Variants in ADCY9 observed in about 807,000 individuals in gnomAD.
ADCY9 encodes the protein adenylate cyclase 9, also known as adenylate cyclase type 9.
A neutral mutation model predicts 101.5 loss-of-function variants in ADCY9; 50 were observed. That is an observed-to-expected ratio of 0.49 (90% confidence interval 0.39 to 0.62). ADCY9 has a LOEUF of 0.62. Among genes scored for constraint, ADCY9 ranks in the 20% least tolerant of loss-of-function variants. The pLI, the probability that ADCY9 is intolerant of heterozygous loss-of-function variation, is 0.00. For synonymous variants in ADCY9, 905 were observed against 769.3 expected, an observed-to-expected ratio of 1.18 and a Z score of -2.92; for missense variants, 1,662 against 1,800.4, an observed-to-expected ratio of 0.92 and a Z score of 1.39.
intron 2 of ADCY9, among the ~76,000 whole-genome samples, chr16:4,044,758 T>C (rs1368173404): frequency 6.6e-6 from 1 of 152,194 alleles, no homozygotes; most frequent in Non-Finnish European, 1.5e-5. Flanking sequence ...TCTCTACATG[T>C]AGAGCCTGCA....
intron 2 of ADCY9, among the ~76,000 whole-genome samples, chr16:4,084,007 C>T (rs971963639): frequency 1.3e-5 from 2 of 152,146 alleles, no homozygotes; most frequent in Non-Finnish European, 2.9e-5. Context: ...ATAAAGCTTT[C>T]TTTTGTTTGT....
intron 8 of ADCY9, 82 bp from the exon 9 acceptor site, chr16:3,977,712 C>T (rs2056105317): frequency 2.0e-6 from 3 of 1,493,688 alleles, no homozygotes; most frequent in African/African-American, 2.8e-5. Context: ...ACATTCGCCA[C>T]TAATCCATGT....
At chr16:3,985,833 C>G (rs564565681) in intron 6 of ADCY9, among the ~76,000 whole-genome samples, 2 of 152,298 alleles carry the variant, frequency 1.3e-5, no homozygotes, top group African/African-American at 4.8e-5. Flanking sequence ...CCACAGCCTC[C>G]CCCTCTGGGC....
At chr16:3,995,878 A>C (rs2056282945) in intron 3 of ADCY9, among the ~76,000 whole-genome samples, 1 of 152,206 alleles carries the variant, frequency 6.6e-6, no homozygotes, top group African/African-American at 2.4e-5. Context: ...AAAAAATGAA[A>C]ATATACATGC....
intron 5 of ADCY9, among the ~76,000 whole-genome samples, chr16:3,955,163 T>C (rs920474302): frequency 2.0e-5 from 3 of 152,158 alleles, no homozygotes; most frequent in Non-Finnish European, 2.9e-5. Context: ...TGAAATATTT[T>C]AGGAAAAAGG....
chr16:4,032,738 T>G (rs1312236566), intron 2 of ADCY9: 1 of 152,258 alleles, frequency 6.6e-6, no homozygotes, highest in Admixed American at 6.5e-5. Context: ...CTTGAACTCC[T>G]GACCTCAAGT....
chr16:4,030,860 C>G (rs2141753902), intron 2 of ADCY9, among the ~76,000 whole-genome samples: 1 of 152,238 alleles, frequency 6.6e-6, no homozygotes, highest in Non-Finnish European at 1.5e-5. Context: ...CTGGGATATT[C>G]TGTTTCATCT....
intron 2 of ADCY9, among the ~76,000 whole-genome samples, chr16:4,064,522 G>C (rs1248859144): frequency 1.3e-5 from 2 of 152,132 alleles, no homozygotes; most frequent in Non-Finnish European, 2.9e-5. Context: ...ACTCGGGCTG[G>C]AGTACAATGG....
At chr16:4,050,081 G>C (rs1037441556) in intron 2 of ADCY9, among the ~76,000 whole-genome samples, 2 of 152,068 alleles carry the variant, frequency 1.3e-5, no homozygotes, top group African/African-American at 4.8e-5. Context: ...GGCCGAAGTG[G>C]GGGTGGGGAC....
At chr16:4,023,637 G>C (rs8056300) in intron 2 of ADCY9, among the ~76,000 whole-genome samples, 130,713 of 152,192 alleles carry the variant, frequency 0.86, 57,166 homozygotes, top group Non-Finnish European at 0.95. Context: ...GCCTGGCCAG[G>C]TGCAGTGATT....
At chr16:3,956,584 A>G (rs1381757104) in intron 5 of ADCY9, among the ~76,000 whole-genome samples, 4 of 146,352 alleles carry the variant, frequency 2.7e-5, no homozygotes, top group African/African-American at 1.0e-4. Context: ...TCTGTCTCCC[A>G]GGTTCAAGCG....
rs1597148468 is a variant in ADCY9, at chr16:3,989,009, G to A, written c.2295C>T (p.Thr765=). The change falls in exon 6 of 11, where the codon ACC becomes ACT. Residue 765 remains threonine, a synonymous_variant. Transcript: ENST00000294016. Reference sequence around the variant, plus strand: ...ATGAACGCACCTCTTCCTGATAGCTGGTCCTGTAGGATCGCTCCAGCTCCT... The same window carrying A: ...ATGAACGCACCTCTTCCTGATAGCTAGTCCTGTAGGATCGCTCCAGCTCCT... The part of the protein sequence containing the change: ...LDQELERSYR[T]SYQEEVIKNS... 1 of 1,613,452 alleles carries A rather than the reference G, an allele frequency of 6.2e-7. No individual in the cohort carries two copies. The highest frequency in any genetic ancestry group is 2.2e-5 in the East Asian group (1 of 44,868).
intron 2 of ADCY9, among the ~76,000 whole-genome samples, chr16:4,077,649 G>A (rs1030181558): frequency 6.6e-6 from 1 of 152,082 alleles, no homozygotes; most frequent in Non-Finnish European, 1.5e-5. Flanking sequence ...AAAAGGAGGG[G>A]ATTTTAAATT....
chr16:3,978,280 C>T (rs2056110149), intron 8 of ADCY9, among the ~76,000 whole-genome samples: 1 of 152,158 alleles, frequency 6.6e-6, no homozygotes, highest in Non-Finnish European at 1.5e-5. Flanking sequence ...AACACTTTTC[C>T]TTGGGGCCCA....
chr16:3,959,550 A>AATT (rs1169967239), downstream of ADCY9, among the ~76,000 whole-genome samples: 1 of 152,138 alleles, frequency 6.6e-6, no homozygotes, highest in African/African-American at 2.4e-5. Context: ...AACCTAAGTA[A>AATT]AGGGAGTTTA....
intron 2 of ADCY9, among the ~76,000 whole-genome samples, chr16:4,084,053 G>A (rs539065241): frequency 6.6e-6 from 1 of 152,182 alleles, no homozygotes; most frequent in East Asian, 1.9e-4. Flanking sequence ...GTCTCACCCT[G>A]TCACCCAGGC....
rs1373034954 is a variant in ADCY9 at position 3,966,897 on chromosome 16, C to T, written c.2940G>A (p.Gln980=). 6.2e-7 allele frequency: 1 copy of T among 1,614,106 alleles called. No individual in the cohort carries two copies. Residue 980 remains glutamine (Q), a synonymous_variant, in exon 11 of 11, where the codon CAG becomes CAA. Transcript: ENST00000294016. The stretch of plus-strand genomic sequence containing the variant: ...GGAGAAAGAAGACGAGAACCACCTC[C>T]TGGCCGATGAGGCTGGCGGGCCGCC... ...DLRRPASLIG[Q]EVVLVFFLLL... is the part of the protein sequence containing the mutation.
intron 3 of ADCY9, among the ~76,000 whole-genome samples, chr16:4,006,380 G>T (rs2056367605): frequency 6.6e-6 from 1 of 152,224 alleles, no homozygotes; most frequent in Non-Finnish European, 1.5e-5. Context: ...GAACCCGAGT[G>T]CAATCATTAC....
At chr16:4,074,331 G>A (rs1254611023) in intron 2 of ADCY9, among the ~76,000 whole-genome samples, 1 of 151,656 alleles carries the variant, frequency 6.6e-6, no homozygotes, top group Non-Finnish European at 1.5e-5. Context: ...TAAATTTCGG[G>A]CAATGACTTA....
Sources: gnomAD v4.1 joint callset for allele counts (sites outside exome capture counted in the v4.1 genomes callset) on GRCh38, gnomAD v4.1.1 for gene constraint, MANE v1.5 for transcripts, NCBI Gene and HGNC (gene_info 2026-07-23, HGNC 2026-07-21) for gene names.